NCKAP5: variants seen among roughly 807,000 people sequenced by gnomAD.
NCKAP5 encodes the protein NCK associated protein 5.
In NCKAP5, 92 loss-of-function variants were observed where a neutral mutation model predicts 167.0. The observed-to-expected ratio is 0.55, with a 90% confidence interval of 0.47 to 0.66. The LOEUF (loss-of-function observed/expected upper bound fraction) is 0.66. Among genes scored for constraint, NCKAP5 ranks in the 30% least tolerant of loss-of-function variants. The pLI is 0.00. For synonymous variants in NCKAP5, 891 were observed against 877.4 expected (o/e 1.02, Z -0.27); for missense variants, 2,378 against 2,315.0 (o/e 1.03, Z -0.56).
the NCKAP5 span, among the ~76,000 whole-genome samples, chr2:133,647,081 C>A: frequency 6.6e-6 from 1 of 152,004 alleles, no homozygotes; most frequent in Admixed American, 6.6e-5. Context: ...GATAAAAGAA[C>A]TACAAGACTA....
At chr2:133,153,398 GTAATA>G (rs2083449989) in intron 5 of NCKAP5, among the ~76,000 whole-genome samples, 1 of 151,738 alleles carries the variant, frequency 6.6e-6, no homozygotes, top group Non-Finnish European at 1.5e-5. Context: ...AGTGGAGCAG[GTAATA>G]TAATATGAGA....
chr2:133,281,409 A>G (rs527946962), intron 4 of NCKAP5, among the ~76,000 whole-genome samples: 6 of 152,342 alleles, frequency 3.9e-5, no homozygotes, highest in Middle Eastern at 3.4e-3. Flanking sequence ...AAATTTCTAA[A>G]ATATCTTATA....
intron 16 of NCKAP5, among the ~76,000 whole-genome samples, chr2:132,762,514 G>C (rs1384374087): frequency 6.6e-6 from 1 of 152,102 alleles, no homozygotes; most frequent in African/African-American, 2.4e-5. Flanking sequence ...AGAGCAATAG[G>C]CCTTGGAAAT....
chr2:132,940,815 G>T lies in NCKAP5; in HGVS notation c.579+22905C>A, dbSNP rs149049735. 5.1e-3 allele frequency among the ~76,000 whole-genome samples: 771 copies of T among 151,498 alleles called. 20 individuals are homozygous for T. The highest frequency in any genetic ancestry group is 0.044 in the Admixed American group (670 of 15,208). On this transcript the variant is annotated intron_variant, in intron 8 of 19. Coordinates refer to ENST00000409261, the MANE Select transcript of NCKAP5 (RefSeq NM_207363.3). ...AAAGAAAAAAAAAAGTTAACATTTT[G>T]CCATGGAAGAGAGGTGTTAAGAAGT...
Position 132,820,419 on chromosome 2 carries a change from G to A in NCKAP5, c.808-23690C>T, listed in dbSNP as rs549518018. On this transcript the variant is annotated intron_variant, in intron 11 of 19. Coordinates refer to ENST00000409261, the MANE Select transcript of NCKAP5 (RefSeq NM_207363.3). ...TAATTTTTGTATTTTTAGTAGAGAC[G>A]GGGTTTCATTGTGTTAGCCAGGATG... Among the ~76,000 whole-genome samples the A allele has an allele frequency of 6.6e-5, 10 of 151,930 alleles. No homozygotes were observed. The South Asian group carries it at 1.9e-3, about 29-fold the overall frequency.
chr2:132,845,456 A>G (rs1384225979), intron 11 of NCKAP5, among the ~76,000 whole-genome samples: 1 of 152,116 alleles, frequency 6.6e-6, no homozygotes, highest in Non-Finnish European at 1.5e-5. Flanking sequence ...CCCATGTAAA[A>G]TTTATATTTC....
intron 4 of NCKAP5, among the ~76,000 whole-genome samples, chr2:133,252,912 AT>A (rs2088423851): frequency 6.6e-6 from 1 of 152,206 alleles, no homozygotes; most frequent in Admixed American, 6.5e-5. Context: ...ACCCTTTACC[AT>A]TGTCCTTCAG....
At chr2:132,995,336 A>C (rs996987847) in intron 6 of NCKAP5, among the ~76,000 whole-genome samples, 13 of 152,146 alleles carry the variant, frequency 8.5e-5, no homozygotes, top group Non-Finnish European at 1.8e-4. Flanking sequence ...TTAGTATATA[A>C]GTTTTTAAAA....
intron 6 of NCKAP5, among the ~76,000 whole-genome samples, chr2:133,093,015 C>T (rs2081238321): frequency 6.6e-6 from 1 of 152,168 alleles, no homozygotes; most frequent in Non-Finnish European, 1.5e-5. Flanking sequence ...ACATGCTGAG[C>T]TCTGTGCCTT....
intron 6 of NCKAP5, among the ~76,000 whole-genome samples, chr2:133,005,678 G>T (rs1339531023): frequency 6.6e-6 from 1 of 152,178 alleles, no homozygotes; most frequent in African/African-American, 2.4e-5. Flanking sequence ...TTATTTTGGG[G>T]ATAGATCTTT....
chr2:133,472,006 GA>G (rs1219831388), intron 3 of NCKAP5, among the ~76,000 whole-genome samples: 1 of 152,086 alleles, frequency 6.6e-6, no homozygotes. Flanking sequence ...TAAACTTCTA[GA>G]AGCAATTGTT....
At chr2:132,769,277 C>T (rs933674727) in intron 16 of NCKAP5, among the ~76,000 whole-genome samples, 46 of 152,238 alleles carry the variant, frequency 3.0e-4, no homozygotes, top group African/African-American at 1.1e-3. Flanking sequence ...TTGTAATCAA[C>T]TCATAACATT....
chr2:132,680,234 T>C (rs1222316005), intron 19 of NCKAP5, among the ~76,000 whole-genome samples: 5 of 152,104 alleles, frequency 3.3e-5, no homozygotes, highest in East Asian at 3.9e-4. Flanking sequence ...AAGTGACGCA[T>C]TGGTAATAGA....
At chr2:133,010,252 T>G (rs1222248580) in intron 6 of NCKAP5, among the ~76,000 whole-genome samples, 1 of 152,192 alleles carries the variant, frequency 6.6e-6, no homozygotes, top group Non-Finnish European at 1.5e-5. Flanking sequence ...GAAATATGCT[T>G]TAGGTATGTG....
chr2:132,981,505 T>C (rs1319165719), intron 7 of NCKAP5, among the ~76,000 whole-genome samples: 1 of 152,210 alleles, frequency 6.6e-6, no homozygotes, highest in Non-Finnish European at 1.5e-5. Context: ...GTAATTTGCA[T>C]TTACTTGCTT....
In NCKAP5 at chr2:132,828,334, G is replaced by A. The variant is rs561914762; in HGVS notation, c.808-31605C>T. 9.9e-5 allele frequency among the ~76,000 whole-genome samples: 15 copies of A among 152,242 alleles called. No homozygotes were observed. The South Asian group carries it at 2.7e-3, about 27-fold the overall frequency. ...TCCCTAGTGTTGGAGGAGGGGCCTG[G>A]TGGGAGGTGATTGGATCAAGGGGGT... is the stretch of plus-strand genomic sequence containing the variant. On this transcript the variant is annotated intron_variant, in intron 11 of 19. Coordinates refer to ENST00000409261, the MANE Select transcript of NCKAP5 (RefSeq NM_207363.3).
At chr2:132,754,860 G>A (rs1382017711) in intron 16 of NCKAP5, among the ~76,000 whole-genome samples, 1 of 152,208 alleles carries the variant, frequency 6.6e-6, no homozygotes, top group Admixed American at 6.5e-5. Context: ...ATATTAGAGT[G>A]ATTCAGTCTT....
At chr2:133,167,661 G>C (rs77706341) in intron 5 of NCKAP5, among the ~76,000 whole-genome samples, 2 of 152,264 alleles carry the variant, frequency 1.3e-5, no homozygotes, top group African/African-American at 4.8e-5. Flanking sequence ...CTGGATCAAA[G>C]CGTAGAACAC....
At chr2:133,331,417 C>T (rs1210712669) in intron 3 of NCKAP5, among the ~76,000 whole-genome samples, 3 of 152,194 alleles carry the variant, frequency 2.0e-5, no homozygotes, top group African/African-American at 4.8e-5. Flanking sequence ...TCTCTCCCAA[C>T]AGAGCTTAAT....
Sources: allele counts gnomAD v4.1 joint callset (sites outside exome capture counted in the v4.1 genomes callset), GRCh38; gene constraint gnomAD v4.1.1; transcripts MANE v1.5; gene names NCBI Gene and HGNC (gene_info 2026-07-23, HGNC 2026-07-21).